The following SLCO3A1 variants were observed in gnomAD, a reference collection of about 807,000 sequenced individuals.
SLCO3A1 encodes PGE1 transporter.
Under a neutral mutation model 63.1 loss-of-function variants are expected in SLCO3A1, and 27 were observed. The observed-to-expected ratio is 0.43, with a 90% confidence interval of 0.32 to 0.59. The LOEUF is 0.59. SLCO3A1 is among the 20% of genes least tolerant of loss of function. The probability of loss-of-function intolerance (pLI) is 0.09; values close to 1 mark genes in which losing one functional copy is unlikely to be tolerated. For synonymous variants in SLCO3A1, 473 were observed against 409.9 expected (o/e 1.15, Z -1.86); for missense variants, 773 against 945.8 (o/e 0.82, Z 2.40).
chr15:92,065,181 C>G (rs2047135555), intron 2 of SLCO3A1, among the ~76,000 whole-genome samples: 2 of 152,144 alleles, frequency 1.3e-5, no homozygotes, highest in South Asian at 4.1e-4. Context: ...CTTCCGGGTT[C>G]AAGCAGTTCT....
intron 2 of SLCO3A1, among the ~76,000 whole-genome samples, chr15:92,001,862 G>A (rs796815739): frequency 3.1e-5 from 4 of 127,196 alleles, no homozygotes; most frequent in African/African-American, 1.2e-4. Flanking sequence ...TTGAGACGGA[G>A]TCTCGCTCTG....
chr15:92,104,026 G>A (rs919209822), intron 3 of SLCO3A1, among the ~76,000 whole-genome samples: 2 of 152,238 alleles, frequency 1.3e-5, no homozygotes, highest in East Asian at 3.8e-4. Context: ...GCTTCTCACT[G>A]TTTTTGTTTA....
intron 2 of SLCO3A1, among the ~76,000 whole-genome samples, chr15:92,023,860 T>C (rs957064987): frequency 6.6e-5 from 10 of 152,230 alleles, no homozygotes; most frequent in African/African-American, 2.2e-4. Flanking sequence ...TGGATCCTTA[T>C]CCCATTGATC....
rs1280361473 is a variant in SLCO3A1 at position 92,104,475 on chromosome 15, C to A, written c.942C>A (p.Pro314=). The change falls in exon 4 of 10, where the codon CCC becomes CCA. Residue 314 remains proline (P), a synonymous_variant. Transcript: ENST00000318445. ...AAAGAGAATACGAGAGACCCAAGCCCAGCAACGGGGTCCTGAGGCACCCCC... is the reference window on the plus strand; with the variant it reads ...AAAGAGAATACGAGAGACCCAAGCCAAGCAACGGGGTCCTGAGGCACCCCC... ...LSEREYERPK[P]SNGVLRHPLE... The A allele has an allele frequency of 6.2e-7, 1 of 1,614,036 alleles. No homozygotes were observed. The highest frequency in any genetic ancestry group is 8.5e-7 in the Non-Finnish European group (1 of 1,180,044).
intron 7 of SLCO3A1, among the ~76,000 whole-genome samples, chr15:92,144,155 TTC>T (rs1277087785): frequency 6.6e-6 from 1 of 152,238 alleles, no homozygotes; most frequent in African/African-American, 2.4e-5. Flanking sequence ...ATACATAATT[TTC>T]TCTTTACCCT....
chr15:92,061,292 T>C (rs1252423731), intron 2 of SLCO3A1, among the ~76,000 whole-genome samples: 1 of 152,160 alleles, frequency 6.6e-6, no homozygotes, highest in African/African-American at 2.4e-5. Flanking sequence ...CCTAATAATA[T>C]TTCAGGATCA....
At chr15:91,889,543 C>G (rs1397675430) in intron 1 of SLCO3A1, among the ~76,000 whole-genome samples, 1 of 152,196 alleles carries the variant, frequency 6.6e-6, no homozygotes. Flanking sequence ...AGGCTCATTG[C>G]AAATGCAATT....
At position 91,854,317 on chromosome 15, in the gene SLCO3A1, C is replaced by G. The variant is rs1313813127; in HGVS notation, c.180+229C>G. On this transcript the variant is annotated intron_variant, in intron 1 of 9. Coordinates refer to ENST00000318445, the MANE Select transcript of SLCO3A1 (RefSeq NM_013272.4). This position sits in a 1 kb window ranked among gnomAD's most constrained non-coding sequence, Gnocchi z 6.4. ...GTTGATGCCGGTAGCAGCTCGCGCG[C>G]GTCCGGCTGGGGCAGGGGGTGCCGG... 4 of 1,081,708 alleles carry G rather than the reference C, an allele frequency of 3.7e-6. No individual in the cohort carries two copies. In the East Asian group the frequency reaches 2.3e-4, roughly 61 times the overall value. 67.0% of individuals were successfully genotyped at this position (1,081,708 alleles called of 1,614,324 possible).
At chr15:91,951,581 A>G (rs1284438395) in intron 2 of SLCO3A1, among the ~76,000 whole-genome samples, 2 of 141,670 alleles carry the variant, frequency 1.4e-5, no homozygotes, top group Non-Finnish European at 3.0e-5. Context: ...TTTGAGACAG[A>G]GTCTCACTTT....
At chr15:92,080,938 CTGTGTGTGTGTGTG>C (rs542459686) in intron 2 of SLCO3A1, among the ~76,000 whole-genome samples, 2,848 of 128,928 alleles carry the variant, frequency 0.022, 42 homozygotes, top group African/African-American at 0.052. Flanking sequence ...TACATAGTAG[CTGTGTGTGTGTGTG>C]TGTGTGTGTG....
At chr15:92,105,166 T>A (rs771348585) in intron 4 of SLCO3A1, among the ~76,000 whole-genome samples, 2 of 152,016 alleles carry the variant, frequency 1.3e-5, no homozygotes, top group Non-Finnish European at 2.9e-5. Context: ...CTCGGGAGGC[T>A]GAGGCAGGAG....
chr15:91,976,509 A>C (rs1263096323), intron 2 of SLCO3A1, among the ~76,000 whole-genome samples: 1 of 152,144 alleles, frequency 6.6e-6, no homozygotes, highest in African/African-American at 2.4e-5. Flanking sequence ...TACCAATTGC[A>C]TTCTGTACGT....
intron 2 of SLCO3A1, among the ~76,000 whole-genome samples, chr15:92,003,287 G>C (rs1023056414): frequency 6.6e-6 from 1 of 152,224 alleles, no homozygotes; most frequent in African/African-American, 2.4e-5. Context: ...GTAGTTAATT[G>C]ATGGTTGAAC....
intron 7 of SLCO3A1, among the ~76,000 whole-genome samples, chr15:92,146,320 T>G (rs561162914): frequency 9.2e-5 from 14 of 152,318 alleles, no homozygotes; most frequent in Middle Eastern, 3.4e-3. Flanking sequence ...GTCACTTTTC[T>G]TTCTTCTCTC....
intron 2 of SLCO3A1, among the ~76,000 whole-genome samples, chr15:91,975,894 T>C (rs1016034176): frequency 6.6e-6 from 1 of 152,242 alleles, no homozygotes; most frequent in Non-Finnish European, 1.5e-5. Flanking sequence ...AAGACCTCAC[T>C]GAAGTGTGAC....
rs138106862 is a variant in SLCO3A1, at chr15:91,893,337, C to T, written c.181-22656C>T. On this transcript the variant is annotated intron_variant, in intron 1 of 9. Transcript: ENST00000318445. ...ATAGTTGGTTTGGACTGCTATAACA[C>T]GATACCATAAACTGGGTGGCTTAGA... Among the ~76,000 whole-genome samples, 13 of 152,284 alleles carry T rather than the reference C, an allele frequency of 8.5e-5. No individual in the cohort carries two copies. The East Asian group carries it at 2.1e-3, about 25-fold the overall frequency.
At chr15:91,940,215 A>T (rs978112122) in intron 2 of SLCO3A1, among the ~76,000 whole-genome samples, 5 of 152,126 alleles carry the variant, frequency 3.3e-5, no homozygotes, top group African/African-American at 1.2e-4. Context: ...CTCTGGGCCT[A>T]GGTTCAGGTC....
At chr15:91,936,640 C>G (rs187617293) in intron 2 of SLCO3A1, among the ~76,000 whole-genome samples, 6 of 152,324 alleles carry the variant, frequency 3.9e-5, no homozygotes, top group Admixed American at 3.3e-4. Flanking sequence ...AATGTACAGA[C>G]TTCAGTGAGT....
At chr15:92,070,642 CTTT>C (rs57873454) in intron 2 of SLCO3A1, among the ~76,000 whole-genome samples, 2 of 145,322 alleles carry the variant, frequency 1.4e-5, no homozygotes. Flanking sequence ...ACACTCTAGA[CTTT>C]TTTTTTTTTT....
Sources: allele counts gnomAD v4.1 joint callset (sites outside exome capture counted in the v4.1 genomes callset), GRCh38; gene constraint gnomAD v4.1.1; non-coding constraint Gnocchi (gnomAD v3.1); transcripts MANE v1.5; gene names NCBI Gene and HGNC (gene_info 2026-07-23, HGNC 2026-07-21).